Variants in MED1 observed in about 807,000 individuals in gnomAD.
MED1 encodes mediator of RNA polymerase II transcription subunit 1.
A neutral mutation model predicts 121.3 loss-of-function variants in MED1; 17 were observed. The observed-to-expected ratio is 0.14, with a 90% confidence interval of 0.10 to 0.21. The LOEUF (loss-of-function observed/expected upper bound fraction) is 0.21. Among genes scored for constraint, MED1 ranks in the 10% least tolerant of loss-of-function variants. The pLI is 1.00. For missense variants in MED1, 1,558 were observed against 1,919.4 expected (o/e 0.81, Z 3.52); for synonymous variants, 661 against 694.4 (o/e 0.95, Z 0.76).
In MED1 at chr17:39,434,311, AT is replaced by A; in HGVS notation, c.437del (p.Asn146IlefsTer24). On this transcript the variant is annotated frameshift_variant, in exon 7 of 17. Transcript: ENST00000300651. LOFTEE classifies it high-confidence loss of function. ...PELVQQLREK[N>X]FDEFSKHLKG... is the part of the protein sequence containing the mutation. ...TAAGGTGCTTAGAAAATTCATCAAA[AT>A]TTTTTTCCCTATAAGGAGTTCAGGG... 5 of 1,562,794 alleles carry A rather than the reference AT, an allele frequency of 3.2e-6. No homozygotes were observed. Among genetic ancestry groups the A allele is most frequent in the Admixed American group, 2.0e-5 (1 of 50,314 alleles).
Position 39,420,195 on chromosome 17 carries a change from CTCTT to C in MED1, c.1096-281_1096-278del, listed in dbSNP as rs1384797803. On this transcript the variant is annotated intron_variant, in intron 13 of 16. Transcript: ENST00000300651. ...GGTTCCTAAACCATAAATGCAAAAT[CTCTT>C]TTTTTTTTTTTTTTTTTTGAGACAG... Among the ~76,000 whole-genome samples the C allele has an allele frequency of 1.1e-4, 17 of 148,714 alleles. No individual in the cohort carries two copies. The East Asian group carries it at 2.2e-3, about 19-fold the overall frequency.
chr17:39,419,322 C>T (rs1325584458), intron 14 of MED1, among the ~76,000 whole-genome samples: 2 of 152,074 alleles, frequency 1.3e-5, no homozygotes, highest in African/African-American at 2.4e-5. Context: ...GTGATTTGCC[C>T]ACCTTGGCCT....
At chr17:39,442,740 T>C (rs934347418) in intron 3 of MED1, among the ~76,000 whole-genome samples, 5 of 149,224 alleles carry the variant, frequency 3.4e-5, no homozygotes, top group African/African-American at 7.4e-5. Flanking sequence ...ACCCTGTCTC[T>C]ACTAAAAATA....
chr17:39,408,075 T>G lies in MED1; in HGVS notation c.4146A>C (p.Lys1382Asn). 1 of 1,614,210 alleles carries G rather than the reference T, an allele frequency of 6.2e-7. No individual in the cohort carries two copies. Among genetic ancestry groups the G allele is most frequent in the Non-Finnish European group, 8.5e-7 (1 of 1,180,042 alleles). Residue 1382 changes from lysine (K) to asparagine (N), a missense_variant, in exon 17 of 17, where the codon AAA becomes AAC. Lys to Asn is a moderately conservative substitution (Grantham distance 94). Coordinates refer to ENST00000300651, the MANE Select transcript of MED1 (RefSeq NM_004774.4). This position sits in a 1 kb window ranked among gnomAD's most constrained non-coding sequence, Gnocchi z 4.7. ...VDSSKKTSES[K>N]NVGSTGVAKI... ...TTGCCACACCTGTGCTCCCCACATTTTTTGACTCTGAGGTCTTCTTAGAAG... is the reference window on the plus strand; with the variant it reads ...TTGCCACACCTGTGCTCCCCACATTGTTTGACTCTGAGGTCTTCTTAGAAG...
At chr17:39,430,332 C>T (rs184475977) in intron 9 of MED1, among the ~76,000 whole-genome samples, 56 of 150,936 alleles carry the variant, frequency 3.7e-4, no homozygotes, top group South Asian at 6.3e-4. Context: ...TTACAGTGAT[C>T]CAAGATTGTG....
intron 2 of MED1, among the ~76,000 whole-genome samples, chr17:39,444,123 G>A (rs2048704373): frequency 6.6e-6 from 1 of 152,186 alleles, no homozygotes; most frequent in South Asian, 2.1e-4. Flanking sequence ...GATGGCTCAG[G>A]AGATTTGGTA....
chr17:39,439,985 A>AGAAGGAAG lies in MED1; in HGVS notation c.399+393_399+400dup, dbSNP rs1172811100. The stretch of plus-strand genomic sequence containing the variant: ...AAGAAGGAAAGAAAGAAAGAAAGAA[A>AGAAGGAAG]GAAGGAAGGAAGGAAGGAAGGAAGG... On this transcript the variant is annotated intron_variant, in intron 5 of 16. Coordinates refer to ENST00000300651, the MANE Select transcript of MED1 (RefSeq NM_004774.4). Among the ~76,000 whole-genome samples, 1,193 of 125,646 alleles carry AGAAGGAAG rather than the reference A, an allele frequency of 9.5e-3. 17 individuals carry two copies. The highest frequency in any genetic ancestry group is 0.026 in the African/African-American group (829 of 31,394). The allele number at this position is 125,646 out of a possible 152,430, so 82.4% of individuals were successfully genotyped here. A position where few individuals can be genotyped will look rare whatever the true frequency, so the allele number is the denominator to read the frequency against.
chr17:39,416,051 C>G (rs1006513084), intron 14 of MED1, among the ~76,000 whole-genome samples: 2 of 151,722 alleles, frequency 1.3e-5, no homozygotes, highest in East Asian at 1.9e-4. Context: ...CTGAAATTCT[C>G]TCTCCCTCCT....
At chr17:39,441,547 G>A (rs563633625) in intron 3 of MED1, among the ~76,000 whole-genome samples, 10 of 152,270 alleles carry the variant, frequency 6.6e-5, no homozygotes, top group African/African-American at 2.2e-4. Flanking sequence ...CGAGGCATGC[G>A]GATCACAAGG....
At chr17:39,413,826 T>G (rs576289599) in intron 16 of MED1, among the ~76,000 whole-genome samples, 1 of 151,440 alleles carries the variant, frequency 6.6e-6, no homozygotes, top group South Asian at 2.1e-4. Flanking sequence ...CTGTATTTTA[T>G]TATGGCTTTC....
chr17:39,415,372 C>T (rs1029092946), intron 14 of MED1, 33 bp from the exon 15 acceptor site: 2 of 1,557,880 alleles, frequency 1.3e-6, no homozygotes, highest in East Asian at 2.3e-5. Flanking sequence ...ATAAAACAAC[C>T]AAATATAAGA....
chr17:39,429,255 G>A (rs557552556), intron 9 of MED1, among the ~76,000 whole-genome samples: 1 of 152,224 alleles, frequency 6.6e-6, no homozygotes, highest in South Asian at 2.1e-4. Flanking sequence ...AGGGGGCTGA[G>A]GTGGGAAGAT....
Position 39,408,827 on chromosome 17 carries a change from A to G in MED1, c.3394T>C (p.Tyr1132His). ...SSSSKLSSSM[Y>H]SSQGSSGSSQ... Reference sequence around the variant, plus strand: ...GATCCAGAAGACCCCTGGCTAGAATACATACTGCTACTTAACTTGGAACTT... The same window carrying G: ...GATCCAGAAGACCCCTGGCTAGAATGCATACTGCTACTTAACTTGGAACTT... Residue 1132 changes from tyrosine to histidine, a missense_variant, in exon 17 of 17, where the codon TAT becomes CAT. Tyr to His is a moderately conservative substitution (Grantham distance 83). Around this residue, in one of 5 missense-constraint regions of MED1, gnomAD observed 793 missense variants for 898.2 expected, o/e 0.88. Transcript: ENST00000300651. This position sits in a 1 kb window ranked among gnomAD's most constrained non-coding sequence, Gnocchi z 4.7. 1 of 1,614,086 alleles carries G rather than the reference A, an allele frequency of 6.2e-7. No homozygotes were observed. Among genetic ancestry groups the G allele is most frequent in the Non-Finnish European group, 8.5e-7 (1 of 1,180,018 alleles).
chr17:39,413,912 T>TAAAAAAAAA (rs66489961), intron 16 of MED1, among the ~76,000 whole-genome samples: 4 of 69,854 alleles, frequency 5.7e-5, no homozygotes, highest in Non-Finnish European at 7.9e-5. Context: ...GTAATATCAT[T>TAAAAAAAAA]AAAAAAAAAA....
In MED1 at chr17:39,410,216, G is replaced by C. The variant is rs1385416054; in HGVS notation, c.2005C>G (p.Gln669Glu). 1.2e-6 allele frequency: 2 copies of C among 1,613,886 alleles called. No homozygotes were observed. Among genetic ancestry groups the C allele is most frequent in the Non-Finnish European group, 1.7e-6 (2 of 1,180,014 alleles). ...CGGGGTGAGCCGGAAGAGGAGTTCT[G>C]CCTTTCTAAAGGGCTGCTTCCATAA... ...TLYGSSPLER[Q>E]NSSSGSPRME... Residue 669 changes from glutamine (Q) to glutamate (E), a missense_variant, in exon 17 of 17, where the codon CAG becomes GAG. Transcript: ENST00000300651.
chr17:39,429,951 C>T (rs1341241834), intron 9 of MED1, among the ~76,000 whole-genome samples: 2 of 152,006 alleles, frequency 1.3e-5, no homozygotes, highest in Non-Finnish European at 2.9e-5. Flanking sequence ...GGCATGGTAT[C>T]CTGTACCTGT....
At chr17:39,442,458 G>T (rs771938180) in intron 3 of MED1, among the ~76,000 whole-genome samples, 1 of 150,430 alleles carries the variant, frequency 6.6e-6, no homozygotes, top group African/African-American at 2.5e-5. Flanking sequence ...TTAGCCAGGC[G>T]TGGTGGGACG....
chr17:39,443,935 C>T (rs987531797), intron 2 of MED1, among the ~76,000 whole-genome samples: 1 of 152,004 alleles, frequency 6.6e-6, no homozygotes, highest in East Asian at 1.9e-4. Context: ...TCGAGACCAG[C>T]CAAGGCAAGA....
chr17:39,439,702 C>A (rs899432548), intron 5 of MED1, among the ~76,000 whole-genome samples: 1 of 152,094 alleles, frequency 6.6e-6, no homozygotes, highest in African/African-American at 2.4e-5. Context: ...CTTTGGGAGG[C>A]TGAGGCAGGT....
Sources: allele counts gnomAD v4.1 joint callset (sites outside exome capture counted in the v4.1 genomes callset), GRCh38; gene constraint gnomAD v4.1.1; regional missense constraint gnomAD v4.1.1; non-coding constraint Gnocchi (gnomAD v3.1); transcripts MANE v1.5; gene names NCBI Gene and HGNC (gene_info 2026-07-23, HGNC 2026-07-21).